Variants in TMC1 observed in about 807,000 individuals in gnomAD.
The protein encoded by TMC1 is transmembrane channel-like protein 1.
TMC1 carries 84 observed loss-of-function variants against 105.8 expected under a neutral mutation model. That is an observed-to-expected ratio of 0.79 (90% CI 0.67 to 0.95). The LOEUF (loss-of-function observed/expected upper bound fraction) is 0.95, where lower values mean the gene tolerates loss of function less well. Ranked by LOEUF, TMC1 falls within the 40% of genes least tolerant of loss-of-function variation. The pLI, the probability that TMC1 is intolerant of heterozygous loss-of-function variation, is 0.00. For synonymous variants in TMC1, 315 were observed against 311.5 expected (o/e 1.01, Z -0.12); for missense variants, 817 against 914.1 (o/e 0.89, Z 1.37).
At chr9:72,564,533 A>G (rs1380693116) in intron 1 of TMC1, among the ~76,000 whole-genome samples, 2 of 152,252 alleles carry the variant, frequency 1.3e-5, no homozygotes, top group Admixed American at 1.3e-4. Flanking sequence ...TATAAACCTC[A>G]GAATGTTCCC....
At chr9:72,770,242 A>G (rs1221512151) in intron 12 of TMC1, among the ~76,000 whole-genome samples, 1 of 151,520 alleles carries the variant, frequency 6.6e-6, no homozygotes, top group Admixed American at 6.6e-5. Context: ...CTCCAGAGAA[A>G]TATAACCAGT....
At chr9:72,766,241 C>A (rs939554860) in intron 12 of TMC1, among the ~76,000 whole-genome samples, 1 of 151,700 alleles carries the variant, frequency 6.6e-6, no homozygotes, top group Non-Finnish European at 1.5e-5. Flanking sequence ...CATGGTGAAA[C>A]CCCGTCTCTA....
intron 1 of TMC1, among the ~76,000 whole-genome samples, chr9:72,564,543 C>T (rs1157224398): frequency 6.6e-6 from 1 of 152,154 alleles, no homozygotes; most frequent in African/African-American, 2.4e-5. Context: ...AGAATGTTCC[C>T]ACTGCTTTTA....
chr9:72,547,209 C>T (rs539866359), intron 1 of TMC1, among the ~76,000 whole-genome samples: 3 of 151,380 alleles, frequency 2.0e-5, no homozygotes, highest in African/African-American at 7.3e-5. Context: ...GTGGTTTAAA[C>T]CTGGGAGGCG....
At chr9:72,689,791 C>A (rs1596657) in intron 6 of TMC1, among the ~76,000 whole-genome samples, 77,860 of 151,898 alleles carry the variant, frequency 0.51, 21,278 homozygotes, top group African/African-American at 0.73. Flanking sequence ...TTTGCATGGC[C>A]TATCATTTTC....
intron 1 of TMC1, among the ~76,000 whole-genome samples, chr9:72,524,620 C>A (rs1358611668): frequency 2.6e-5 from 4 of 152,168 alleles, no homozygotes; most frequent in Admixed American, 2.6e-4. Flanking sequence ...CCAGTCATGC[C>A]TTCCTTTCCC....
chr9:72,692,307 T>C (rs1040164701), intron 6 of TMC1, among the ~76,000 whole-genome samples: 1 of 152,186 alleles, frequency 6.6e-6, no homozygotes, highest in African/African-American at 2.4e-5. Context: ...TGGGAGATGA[T>C]GGTTTTCTCC....
chr9:72,568,006 G>T (rs1263869869), intron 1 of TMC1, among the ~76,000 whole-genome samples: 1 of 151,980 alleles, frequency 6.6e-6, no homozygotes, highest in African/African-American at 2.4e-5. Context: ...ACTGAATTTG[G>T]GACTGAAAGC....
intron 17 of TMC1, among the ~76,000 whole-genome samples, chr9:72,794,642 TG>T (rs374365980): frequency 4.3e-4 from 66 of 152,264 alleles, no homozygotes; most frequent in African/African-American, 1.6e-3. Context: ...CAATCTACAT[TG>T]CAGTTAAAGG....
chr9:72,823,301 G>C (rs1486739187), intron 20 of TMC1, among the ~76,000 whole-genome samples: 1 of 152,130 alleles, frequency 6.6e-6, no homozygotes, highest in Non-Finnish European at 1.5e-5. Flanking sequence ...ATGCTTGTAT[G>C]CTTGTACTAG....
At chr9:72,650,395 T>C (rs1012142046) in intron 5 of TMC1, among the ~76,000 whole-genome samples, 4 of 152,168 alleles carry the variant, frequency 2.6e-5, no homozygotes, top group Admixed American at 2.6e-4. Flanking sequence ...TTCTGTACAA[T>C]GTTCAGTGAT....
chr9:72,815,169 G>A (rs1310519236), intron 18 of TMC1, among the ~76,000 whole-genome samples: 1 of 152,012 alleles, frequency 6.6e-6, no homozygotes, highest in African/African-American at 2.4e-5. Flanking sequence ...TATTGCCCTT[G>A]CTAATTAGCA....
At position 72,742,492 on chromosome 9, in the gene TMC1, G is replaced by A. The variant is rs796412699; in HGVS notation, c.502G>A (p.Val168Ile). ...RDFENFKAACVPWENKIKAIE... is the reference protein window; with the variant it reads ...RDFENFKAACIPWENKIKAIE... ...TTTTGAGAACTTCAAAGCTGCGTGT[G>A]TCCCATGGGAAAATAAAATCAAGGC... The change falls in exon 10 of 24, where the codon GTC (valine) becomes ATC (isoleucine). Residue 168 changes from valine (V) to isoleucine (I), a missense_variant. Coordinates refer to ENST00000297784, the MANE Select transcript of TMC1 (RefSeq NM_138691.3). The A allele has an allele frequency of 2.5e-6, 4 of 1,614,120 alleles. No individual in the cohort carries two copies. The highest frequency in any genetic ancestry group is 2.5e-6 in the Non-Finnish European group (3 of 1,179,990).
intron 8 of TMC1, among the ~76,000 whole-genome samples, chr9:72,728,674 C>T (rs1354563131): frequency 6.6e-6 from 1 of 152,030 alleles, no homozygotes; most frequent in African/African-American, 2.4e-5. Context: ...TTTTGGTTTC[C>T]TTCTGTGAGG....
chr9:72,611,962 A>G (rs1825033267), intron 2 of TMC1, among the ~76,000 whole-genome samples: 1 of 152,028 alleles, frequency 6.6e-6, no homozygotes, highest in African/African-American at 2.4e-5. Context: ...ATGCTGCTCT[A>G]TGACCCGGGA....
chr9:72,694,718 A>G lies in TMC1; in HGVS notation c.236+4A>G. Reference sequence around the variant, plus strand: ...GGAGGAGGCTAAAGAGAGGAGCGTAAGTTAGTTCTGATATTCTTTCAAAAG... The same window carrying G: ...GGAGGAGGCTAAAGAGAGGAGCGTAGGTTAGTTCTGATATTCTTTCAAAAG... On this transcript the variant is annotated splice_donor_region_variant and intron_variant, in intron 7 of 23. Transcript: ENST00000297784. The G allele has an allele frequency of 6.2e-7, 1 of 1,603,980 alleles. No individual in the cohort carries two copies.
At chr9:72,643,187 T>C (rs1825655283) in intron 4 of TMC1, among the ~76,000 whole-genome samples, 1 of 151,978 alleles carries the variant, frequency 6.6e-6, no homozygotes, top group East Asian at 1.9e-4. Context: ...CTTCCAACTT[T>C]CCCGCTTTTT....
chr9:72,830,740 T>G lies in TMC1; in HGVS notation c.2260+58T>G, dbSNP rs1352428055. 1.9e-5 allele frequency: 13 copies of G among 690,366 alleles called. No homozygotes were observed. In the East Asian group the frequency reaches 9.0e-4, roughly 48 times the overall value. 42.8% of individuals were successfully genotyped at this position (690,366 alleles called of 1,614,324 possible). On this transcript the variant is annotated intron_variant, in intron 23 of 23. Transcript: ENST00000297784. The stretch of plus-strand genomic sequence containing the variant: ...AATTTTTCTTTTTCTTTTTCTTTCT[T>G]TTTTTTTTTTTTTTGCTTTTTCTCC...
chr9:72,831,141 T>C (rs1486570297), intron 23 of TMC1, among the ~76,000 whole-genome samples: 1 of 152,198 alleles, frequency 6.6e-6, no homozygotes, highest in African/African-American at 2.4e-5. Context: ...CTTTCTTTTT[T>C]TAAAAACCTC....
Sources: gnomAD v4.1 joint callset for allele counts (sites outside exome capture counted in the v4.1 genomes callset) on GRCh38, gnomAD v4.1.1 for gene constraint, MANE v1.5 for transcripts, NCBI Gene and HGNC (gene_info 2026-07-23, HGNC 2026-07-21) for gene names.